The following GLDC variants were observed in gnomAD, a reference collection of about 807,000 sequenced individuals.
The protein encoded by GLDC is glycine decarboxylase.
Under a neutral mutation model 121.3 loss-of-function variants are expected in GLDC, and 104 were observed. The ratio of observed to expected loss-of-function variants is 0.86; its 90% CI spans 0.73 to 1.01. The LOEUF is 1.01. Ranked by LOEUF, GLDC falls within the 50% of genes least tolerant of loss-of-function variation. The pLI, the probability that GLDC is intolerant of heterozygous loss-of-function variation, is 0.00. For synonymous variants in GLDC, 546 were observed against 480.6 expected (o/e 1.14, Z -1.78); for missense variants, 1,429 against 1,306.6 (o/e 1.09, Z -1.44).
chr9:6,555,104 A>G (rs2129721473), intron 18 of GLDC, among the ~76,000 whole-genome samples: 1 of 152,376 alleles, frequency 6.6e-6, no homozygotes, highest in Non-Finnish European at 1.5e-5. Flanking sequence ...CTCTAACACA[A>G]GAAAGGGCAG....
intron 21 of GLDC, among the ~76,000 whole-genome samples, chr9:6,545,568 G>A (rs190033752): frequency 1.2e-3 from 184 of 152,278 alleles, no homozygotes; most frequent in African/African-American, 4.2e-3. Flanking sequence ...CTTTGTGAAC[G>A]CTGTACACTT....
intron 2 of GLDC, among the ~76,000 whole-genome samples, chr9:6,623,836 G>A (rs1386437679): frequency 2.6e-4 from 39 of 152,156 alleles, no homozygotes; most frequent in Non-Finnish European, 1.5e-4. Flanking sequence ...CATGCAAAAA[G>A]TCCAATCACC....
At chr9:6,558,370 C>G in intron 17 of GLDC, 189 bp downstream of exon 17, 4 of 726,404 alleles carry the variant, frequency 5.5e-6, no homozygotes, top group Non-Finnish European at 9.7e-6. Context: ...TTTACACAAG[C>G]TGGAATTAGA....
intron 2 of GLDC, among the ~76,000 whole-genome samples, chr9:6,624,410 T>C (rs919050049): frequency 6.6e-6 from 1 of 152,140 alleles, no homozygotes; most frequent in Non-Finnish European, 1.5e-5. Context: ...AAGAATGCCA[T>C]GTGATGATGG....
chr9:6,621,065 G>A (rs1819083071), intron 2 of GLDC, among the ~76,000 whole-genome samples: 1 of 152,314 alleles, frequency 6.6e-6, no homozygotes, highest in East Asian at 1.9e-4. Flanking sequence ...AGATTCTTGG[G>A]AGGCTGAGGT....
intron 11 of GLDC, chr9:6,591,757 T>C (rs1802045984): frequency 7.5e-6 from 2 of 267,350 alleles, no homozygotes; most frequent in Non-Finnish European, 1.5e-5. Context: ...GCTAATTTTG[T>C]ATTTTTAGTG....
At position 6,627,111 on chromosome 9, in the gene GLDC, C is replaced by T. The variant is rs1005979945; in HGVS notation, c.335-6792G>A. 3.1e-4 allele frequency among the ~76,000 whole-genome samples: 47 copies of T among 151,890 alleles called. 4 individuals carry two copies. Among genetic ancestry groups the T allele is most frequent in the Admixed American group, 1.9e-3 (29 of 15,234 alleles). ...GAGATCGAGACCATCCTGGCTAACA[C>T]GGTGAAACCCCATCTCTACTAAAAA... On this transcript the variant is annotated intron_variant, in intron 2 of 24. Coordinates refer to ENST00000321612, the MANE Select transcript of GLDC (RefSeq NM_000170.3).
In GLDC at chr9:6,553,486, A is replaced by G; in HGVS notation, c.2339T>C (p.Leu780Ser). 6.2e-7 allele frequency: 1 copy of G among 1,613,598 alleles called. No individual in the cohort carries two copies. The highest frequency in any genetic ancestry group is 8.5e-7 in the Non-Finnish European group (1 of 1,179,842). Reference sequence around the variant, plus strand: ...TAGTGAAATGACGGGATGATTGGGCAAAAACGGGGCGAGATGTTTCTTCCT... The same window carrying G: ...TAGTGAAATGACGGGATGATTGGGCGAAAACGGGGCGAGATGTTTCTTCCT... The part of the protein sequence containing the change: ...IGVKKHLAPF[L>S]PNHPVISLKR... Residue 780 changes from leucine to serine, a missense_variant, in exon 20 of 25, where the codon TTG becomes TCG. Physicochemically the swap from Leu to Ser is moderately radical, Grantham distance 145. Coordinates refer to ENST00000321612, the MANE Select transcript of GLDC (RefSeq NM_000170.3).
In GLDC at chr9:6,620,415, C is replaced by T. The variant is rs1398901892; in HGVS notation, c.335-96G>A. On this transcript the variant is annotated intron_variant, in intron 2 of 24. Transcript: ENST00000321612. ...CCTCATTTTGTTTGAGTATTTATGACAGAATAACTATATGGAAAATGTAAG... is the reference window on the plus strand; with the variant it reads ...CCTCATTTTGTTTGAGTATTTATGATAGAATAACTATATGGAAAATGTAAG... The T allele has an allele frequency of 6.7e-6, 7 of 1,038,884 alleles. No individual in the cohort carries two copies. In the African/African-American group the frequency reaches 1.1e-4, roughly 16 times the overall value. The allele number at this position is 1,038,884 out of a possible 1,614,324, so 64.4% of individuals were successfully genotyped here.
intron 11 of GLDC, among the ~76,000 whole-genome samples, chr9:6,589,577 G>A (rs1407113440): frequency 6.7e-6 from 1 of 148,476 alleles, no homozygotes; most frequent in Admixed American, 6.7e-5. Flanking sequence ...ACAGGTGCAT[G>A]CCACCACACC....
At chr9:6,619,186 G>C (rs1819029672) in intron 3 of GLDC, among the ~76,000 whole-genome samples, 1 of 143,224 alleles carries the variant, frequency 7.0e-6, no homozygotes, top group Admixed American at 7.0e-5. Flanking sequence ...AGAAGAAGTA[G>C]GAGTGACTTA....
intron 22 of GLDC, among the ~76,000 whole-genome samples, chr9:6,537,653 T>C (rs553045762): frequency 2.0e-5 from 3 of 152,130 alleles, no homozygotes; most frequent in African/African-American, 7.2e-5. Context: ...TGGTGGTATG[T>C]GCCTGTAATC....
At chr9:6,578,130 C>CT (rs931049650) in intron 15 of GLDC, among the ~76,000 whole-genome samples, 1 of 150,172 alleles carries the variant, frequency 6.7e-6, no homozygotes, top group Non-Finnish European at 1.5e-5. Context: ...GTCCAGGCTT[C>CT]TTTTTTTTTC....
intron 16 of GLDC, among the ~76,000 whole-genome samples, chr9:6,564,297 G>C (rs893324355): frequency 2.0e-5 from 3 of 151,486 alleles, no homozygotes; most frequent in African/African-American, 7.3e-5. Flanking sequence ...AGCCTGGAAA[G>C]ACACACCTGT....
chr9:6,589,594 A>G (rs894840912), intron 11 of GLDC, among the ~76,000 whole-genome samples: 1 of 151,894 alleles, frequency 6.6e-6, no homozygotes, highest in Admixed American at 6.6e-5. Flanking sequence ...CACCTGGCTG[A>G]TTTTTGTATT....
At chr9:6,550,994 A>T (rs1817504477) in intron 20 of GLDC, 80 bp from the exon 21 acceptor site, 1 of 892,282 alleles carries the variant, frequency 1.1e-6, no homozygotes, top group East Asian at 2.4e-5. Flanking sequence ...AGACACCCCC[A>T]GATAAACTCC....
chr9:6,576,575 T>C (rs948171480), intron 15 of GLDC, among the ~76,000 whole-genome samples: 1 of 152,174 alleles, frequency 6.6e-6, no homozygotes, highest in African/African-American at 2.4e-5. Context: ...CAAGCAATTG[T>C]CCTGCCTCAG....
At chr9:6,575,253 G>C (rs1818042436) in intron 15 of GLDC, among the ~76,000 whole-genome samples, 1 of 151,744 alleles carries the variant, frequency 6.6e-6, no homozygotes, top group Admixed American at 6.6e-5. Flanking sequence ...CTCCCATATG[G>C]GCTCCATCCC....
In GLDC at chr9:6,619,292, CAT is replaced by C. The variant is rs1819032337; in HGVS notation, c.470+890_470+891del. Among the ~76,000 whole-genome samples the C allele has an allele frequency of 2.6e-5, 4 of 151,706 alleles. No individual in the cohort carries two copies. In the South Asian group the frequency reaches 8.3e-4, roughly 32 times the overall value. On this transcript the variant is annotated intron_variant, in intron 3 of 24. Transcript: ENST00000321612. Reference sequence around the variant, plus strand: ...TAGAAGAGCCTGTCTACAGAATGCACATGTTCTCTTTCTCTAGAAAGTGCTAG... The same window carrying C: ...TAGAAGAGCCTGTCTACAGAATGCACGTTCTCTTTCTCTAGAAAGTGCTAG...
Sources: allele counts gnomAD v4.1 joint callset (sites outside exome capture counted in the v4.1 genomes callset), GRCh38; gene constraint gnomAD v4.1.1; transcripts MANE v1.5; gene names NCBI Gene and HGNC (gene_info 2026-07-23, HGNC 2026-07-21).